TNKS2: variants seen among roughly 807,000 people sequenced by gnomAD.
TNKS2 encodes the protein poly [ADP-ribose] polymerase tankyrase-2.
TNKS2 carries 72 observed loss-of-function variants against 137.6 expected under a neutral mutation model. The observed-to-expected ratio is 0.52, with a 90% CI of 0.43 to 0.64. The LOEUF is 0.64. TNKS2 is among the 30% of genes least tolerant of loss of function. The pLI is 0.00. For synonymous variants in TNKS2, 516 were observed against 512.1 expected, an observed-to-expected ratio of 1.01 and a Z score of -0.10; for missense variants, 1,049 against 1,410.2, an observed-to-expected ratio of 0.74 and a Z score of 4.10.
At chr10:91,854,809 A>G (rs1842651433) in intron 21 of TNKS2, among the ~76,000 whole-genome samples, 1 of 151,808 alleles carries the variant, frequency 6.6e-6, no homozygotes, top group Admixed American at 6.6e-5. Flanking sequence ...ATGCTAAGGC[A>G]GGAGAATCGC....
In TNKS2 at chr10:91,864,953, TTA is replaced by T. The variant is rs758717748; in HGVS notation, c.*1956_*1957del. 6.6e-6 allele frequency: 1 copy of T among 152,596 alleles called. No homozygotes were observed. The highest frequency in any genetic ancestry group is 1.5e-5 in the Non-Finnish European group (1 of 68,004). 9.5% of individuals were successfully genotyped at this position (152,596 alleles called of 1,614,324 possible). A position where few individuals can be genotyped will look rare whatever the true frequency, so the allele number is the denominator to read the frequency against. On this transcript the variant is annotated 3_prime_UTR_variant, in exon 27 of 27. Coordinates refer to ENST00000371627, the MANE Select transcript of TNKS2 (RefSeq NM_025235.4). ...TTACAATACTGCAAACTGTGTTATT[TTA>T]TCTAATCCATTGCTTAATGAGTGTG...
chr10:91,820,028 T>C lies in TNKS2; in HGVS notation c.723T>C (p.Asp241=). The C allele has an allele frequency of 6.3e-7, 1 of 1,578,782 alleles. No individual in the cohort carries two copies. Among genetic ancestry groups the C allele is most frequent in the Non-Finnish European group, 8.6e-7 (1 of 1,162,906 alleles). Residue 241 remains aspartate, a synonymous_variant, in exon 6 of 27, where the codon GAT becomes GAC. Coordinates refer to ENST00000371627, the MANE Select transcript of TNKS2 (RefSeq NM_025235.4). ...LQHGADVHAK[D]KGDLVPLHNA... Reference sequence around the variant, plus strand: ...ATGGAGCTGATGTCCATGCTAAAGATAAAGGGTAAGCATTTGAACAAAAAC... The same window carrying C: ...ATGGAGCTGATGTCCATGCTAAAGACAAAGGGTAAGCATTTGAACAAAAAC...
chr10:91,836,844 A>G, intron 12 of TNKS2, 75 bp from the exon 13 acceptor site: 1 of 1,532,746 alleles, frequency 6.5e-7, no homozygotes, highest in Non-Finnish European at 8.8e-7. Flanking sequence ...CTTTCTGATG[A>G]GATGCCTTCC....
intron 12 of TNKS2, among the ~76,000 whole-genome samples, chr10:91,834,258 G>A (rs1413331118): frequency 6.6e-6 from 1 of 152,094 alleles, no homozygotes; most frequent in Admixed American, 6.5e-5. Context: ...AAGTTAAATA[G>A]ATGGCTTTCA....
In TNKS2 at chr10:91,819,460, T is replaced by A. The variant is rs778730078; in HGVS notation, c.558-22T>A. The A allele has an allele frequency of 1.9e-6, 3 of 1,557,090 alleles. No individual in the cohort carries two copies. In the African/African-American group the frequency reaches 4.1e-5, roughly 21 times the overall value. On this transcript the variant is annotated intron_variant, in intron 4 of 26. Coordinates refer to ENST00000371627, the MANE Select transcript of TNKS2 (RefSeq NM_025235.4). ...ACATCTGATGAAGAATGCAAATTAC[T>A]AATACTTTTTTTGTATTCTAGGAGT... is the stretch of plus-strand genomic sequence containing the variant.
At chr10:91,824,851 A>C (rs1338241932) in intron 7 of TNKS2, among the ~76,000 whole-genome samples, 1 of 152,178 alleles carries the variant, frequency 6.6e-6, no homozygotes, top group South Asian at 2.1e-4. Context: ...AAAAGATGGG[A>C]GAGGAGAAAA....
chr10:91,856,662 T>C (rs1320705504), intron 23 of TNKS2, among the ~76,000 whole-genome samples: 5 of 152,238 alleles, frequency 3.3e-5, no homozygotes, highest in Non-Finnish European at 5.9e-5. Flanking sequence ...AATAAAAATT[T>C]TTTCAGTGAT....
intron 6 of TNKS2, 117 bp from the exon 7 acceptor site, chr10:91,822,179 A>G (rs1844911106): frequency 1.3e-6 from 1 of 770,912 alleles, no homozygotes; most frequent in Non-Finnish European, 2.0e-6. Flanking sequence ...TTATTAGAAC[A>G]TCACATAATC....
chr10:91,861,256 T>C (rs890703645), intron 25 of TNKS2, among the ~76,000 whole-genome samples: 2 of 152,140 alleles, frequency 1.3e-5, no homozygotes, highest in African/African-American at 4.8e-5. Flanking sequence ...GAAAATTCTG[T>C]GGATGGGGAC....
chr10:91,809,822 G>A (rs1401002595), intron 1 of TNKS2, among the ~76,000 whole-genome samples: 2 of 151,938 alleles, frequency 1.3e-5, no homozygotes, highest in African/African-American at 2.4e-5. Flanking sequence ...GAAAAAAAAA[G>A]GCAAATAGTC....
At chr10:91,858,241 C>T (rs867874953) in intron 24 of TNKS2, among the ~76,000 whole-genome samples, 3 of 151,874 alleles carry the variant, frequency 2.0e-5, no homozygotes, top group Admixed American at 1.3e-4. Flanking sequence ...TTCATAATAC[C>T]CTGGGAGAAT....
intron 2 of TNKS2, among the ~76,000 whole-genome samples, chr10:91,813,991 A>G (rs898232804): frequency 6.6e-6 from 1 of 152,202 alleles, no homozygotes; most frequent in Admixed American, 6.5e-5. Flanking sequence ...TGGTTTATAT[A>G]TTTACTATAC....
Position 91,855,601 on chromosome 10 carries a change from AT to A in TNKS2, c.2914-8del. 6.2e-7 allele frequency: 1 copy of A among 1,606,590 alleles called. No individual in the cohort carries two copies. The highest frequency in any genetic ancestry group is 1.3e-5 in the African/African-American group (1 of 74,474). ...TGCTAATGCACATATATTTCAAACC[AT>A]TTTTCTGACAGATGCAAAGTACAGT... On this transcript the variant is annotated splice_polypyrimidine_tract_variant and intron_variant, in intron 22 of 26. Coordinates refer to ENST00000371627, the MANE Select transcript of TNKS2 (RefSeq NM_025235.4).
rs115905849 is a variant in TNKS2, at chr10:91,834,033, T to G, written c.1447+9T>G. 4,244 of 1,541,520 alleles carry G rather than the reference T, an allele frequency of 2.8e-3. 96 individuals are homozygous for G. The African/African-American group carries it at 0.052, about 19-fold the overall frequency. ...ACAGCAACTCCTCCAAGGTATTACA[T>G]GCTTCAATGAAATTGATTTTTTTAA... is the stretch of plus-strand genomic sequence containing the variant. On this transcript the variant is annotated intron_variant, in intron 12 of 26. Transcript: ENST00000371627.
At chr10:91,859,435 A>G in intron 24 of TNKS2, 27 bp from the exon 25 acceptor site, 1 of 1,432,888 alleles carries the variant, frequency 7.0e-7, no homozygotes. Flanking sequence ...ATTTTAAATT[A>G]TTGTTACCCA....
At chr10:91,834,621 C>T (rs1339435201) in intron 12 of TNKS2, among the ~76,000 whole-genome samples, 1 of 152,210 alleles carries the variant, frequency 6.6e-6, no homozygotes, top group Non-Finnish European at 1.5e-5. Flanking sequence ...GCTTTTCTGT[C>T]TTTAACAGTA....
intron 1 of TNKS2, among the ~76,000 whole-genome samples, chr10:91,809,793 A>G (rs949311450): frequency 2.0e-5 from 3 of 152,132 alleles, no homozygotes; most frequent in Non-Finnish European, 4.4e-5. Flanking sequence ...CGCAATTGCC[A>G]AGGTGATCTT....
chr10:91,854,859 C>T (rs1564629711), intron 21 of TNKS2, among the ~76,000 whole-genome samples, 170 bp from the exon 22 acceptor site: 1 of 146,520 alleles, frequency 6.8e-6, no homozygotes, highest in African/African-American at 2.5e-5. Flanking sequence ...GCCAAGATCA[C>T]ACCAGCCTAG....
chr10:91,841,150 G>C (rs1210513998), intron 14 of TNKS2, 133 bp from the exon 15 acceptor site: 2 of 796,656 alleles, frequency 2.5e-6, no homozygotes, highest in Non-Finnish European at 1.8e-6. Flanking sequence ...GCCTTAAATA[G>C]ATTTAGGTTC....
Sources: gnomAD v4.1 joint callset for allele counts (sites outside exome capture counted in the v4.1 genomes callset) on GRCh38, gnomAD v4.1.1 for gene constraint, MANE v1.5 for transcripts, NCBI Gene and HGNC (gene_info 2026-07-23, HGNC 2026-07-21) for gene names.